Variants in IDO2 observed in about 807,000 individuals in gnomAD.
The protein encoded by IDO2 is indoleamine 2,3-dioxygenase 2.
IDO2 carries 46 observed loss-of-function variants against 45.1 expected under a neutral mutation model. That is an observed-to-expected ratio of 1.02 (90% CI 0.80 to 1.30). The LOEUF (loss-of-function observed/expected upper bound fraction) is 1.30. Among genes scored for constraint, IDO2 ranks in the 50% most tolerant of loss-of-function variants. The pLI, the probability that IDO2 is intolerant of heterozygous loss-of-function variation, is 0.00. For synonymous variants in IDO2, 218 were observed against 184.9 expected (o/e 1.18, Z -1.45); for missense variants, 544 against 491.8 (o/e 1.11, Z -1.00).
chr8:39,944,955 G>T (rs1057404071), intron 1 of IDO2, among the ~76,000 whole-genome samples: 1 of 152,142 alleles, frequency 6.6e-6, no homozygotes, highest in South Asian at 2.1e-4. Context: ...TCAACACCTG[G>T]CATAAAATTC....
At position 39,963,624 on chromosome 8, in the gene IDO2, A is replaced by G. The variant is rs146026540; in HGVS notation, c.116A>G (p.His39Arg). 9 of 1,608,564 alleles carry G rather than the reference A, an allele frequency of 5.6e-6. No homozygotes were observed. In the South Asian group the frequency reaches 6.6e-5, roughly 12 times the overall value. The stretch of plus-strand genomic sequence containing the variant: ...TAAATGCAGAAAGAACTTCCAGATC[A>G]TTATAGGCCTTGGATGGAAATTGCC... Residue 39 changes from histidine (H) to arginine (R), a missense_variant, in exon 3 of 11, where the codon CAT (histidine) becomes CGT (arginine). His to Arg is a conservative substitution (Grantham distance 29). Coordinates refer to ENST00000502986, the Ensembl canonical transcript of IDO2.
intron 7 of IDO2, among the ~76,000 whole-genome samples, chr8:39,988,509 G>C (rs1356290870): frequency 1.3e-5 from 2 of 152,190 alleles, no homozygotes; most frequent in Non-Finnish European, 2.9e-5. Flanking sequence ...TTAGCTCACT[G>C]CAATCTCCAC....
rs188556326 is a variant in IDO2, at chr8:39,984,144, T to C, written c.435-1364T>C. On this transcript the variant is annotated intron_variant, in intron 5 of 10. Coordinates refer to ENST00000502986, the Ensembl canonical transcript of IDO2. Reference sequence around the variant, plus strand: ...AAGAGAAAGACAGAATAAGAGAAGGTTGAAGGGAAAAATGACTGTACTAGA... The same window carrying C: ...AAGAGAAAGACAGAATAAGAGAAGGCTGAAGGGAAAAATGACTGTACTAGA... Among the ~76,000 whole-genome samples, 19 of 152,006 alleles carry C rather than the reference T, an allele frequency of 1.2e-4. 1 individual carries two copies. Among genetic ancestry groups the C allele is most frequent in the African/African-American group, 4.3e-4 (18 of 41,468 alleles).
chr8:39,990,053 C>T (rs757397476), intron 8 of IDO2, among the ~76,000 whole-genome samples: 7 of 152,270 alleles, frequency 4.6e-5, no homozygotes, highest in East Asian at 1.9e-4. Context: ...TATATTCTCC[C>T]GTGATTAAGA....
chr8:39,963,718 A>T lies in IDO2; in HGVS notation c.195+15A>T. ...ATGTGGACAAGGTATTCTTCTCTTC[A>T]CCCCCTCATCACATTCTGTTTTCAT... On this transcript the variant is annotated intron_variant, in intron 3 of 10. Coordinates refer to ENST00000502986, the Ensembl canonical transcript of IDO2. 8.9e-6 allele frequency: 13 copies of T among 1,457,682 alleles called. No homozygotes were observed. Among genetic ancestry groups the T allele is most frequent in the Non-Finnish European group, 1.2e-5 (13 of 1,045,580 alleles). 90.3% of individuals were successfully genotyped at this position (1,457,682 alleles called of 1,614,324 possible).
chr8:39,997,696 T>C (rs555528164), intron 8 of IDO2, among the ~76,000 whole-genome samples: 1 of 152,258 alleles, frequency 6.6e-6, no homozygotes, highest in African/African-American at 2.4e-5. Flanking sequence ...TGAAAAAGAT[T>C]CTCTAGTCAG....
chr8:39,943,684 G>C (rs1292923455), intron 1 of IDO2, among the ~76,000 whole-genome samples: 2 of 144,158 alleles, frequency 1.4e-5, no homozygotes, highest in Non-Finnish European at 3.0e-5. Context: ...CCTGCAGTGA[G>C]CTGAGATCGC....
chr8:39,974,691 G>C (rs1317305693), intron 3 of IDO2, among the ~76,000 whole-genome samples: 3 of 152,184 alleles, frequency 2.0e-5, no homozygotes, highest in Non-Finnish European at 4.4e-5. Context: ...GGCCCATGTG[G>C]GCAGATCGAT....
intron 8 of IDO2, among the ~76,000 whole-genome samples, 169 bp from the exon 9 acceptor site, chr8:40,005,158 G>A (rs542410549): frequency 6.6e-6 from 1 of 152,204 alleles, no homozygotes; most frequent in Non-Finnish European, 1.5e-5. Context: ...GCACCCATGA[G>A]GGCAACTGCA....
At chr8:40,012,324 A>G (rs1347426934) in intron 9 of IDO2, among the ~76,000 whole-genome samples, 1 of 152,208 alleles carries the variant, frequency 6.6e-6, no homozygotes. Context: ...GGAAATCCAC[A>G]TATGGGGTTC....
chr8:39,935,403 T>C (rs1034217033), intron 1 of IDO2, among the ~76,000 whole-genome samples, 185 bp downstream of exon 1: 5 of 150,618 alleles, frequency 3.3e-5, no homozygotes, highest in African/African-American at 1.2e-4. Flanking sequence ...ATGGGCTGAA[T>C]GCTTTGTGCA....
chr8:39,998,148 C>T (rs767391551), intron 8 of IDO2: 17 of 181,806 alleles, frequency 9.4e-5, no homozygotes, highest in Non-Finnish European at 1.6e-4. Context: ...TCTCCACTGG[C>T]CATTTCTGTT....
At chr8:39,957,693 T>C (rs1010850277) in intron 2 of IDO2, among the ~76,000 whole-genome samples, 1 of 152,194 alleles carries the variant, frequency 6.6e-6, no homozygotes, top group Non-Finnish European at 1.5e-5. Context: ...TGCTCACCTG[T>C]CTCTAGAAGG....
chr8:39,975,814 C>T (rs7005101), intron 3 of IDO2, among the ~76,000 whole-genome samples: 22,056 of 151,786 alleles, frequency 0.15, 2,281 homozygotes, highest in African/African-American at 0.3. Flanking sequence ...ATGAAAGTAT[C>T]GTTTATCATA....
In IDO2 at chr8:40,005,314, A is replaced by C. The variant is rs1022559462; in HGVS notation, c.668-13A>C. Reference sequence around the variant, plus strand: ...TGCCTGTAGTAAAGTTCACATTTTGATTGCTTCTCCAGATTATGTAGATCC... The same window carrying C: ...TGCCTGTAGTAAAGTTCACATTTTGCTTGCTTCTCCAGATTATGTAGATCC... On this transcript the variant is annotated splice_polypyrimidine_tract_variant and intron_variant, in intron 8 of 10. Transcript: ENST00000502986. 1.9e-6 allele frequency: 3 copies of C among 1,561,938 alleles called. No homozygotes were observed. Among genetic ancestry groups the C allele is most frequent in the Non-Finnish European group, 2.6e-6 (3 of 1,146,594 alleles).
chr8:39,995,454 G>A (rs1052808285), intron 8 of IDO2, among the ~76,000 whole-genome samples: 5 of 151,106 alleles, frequency 3.3e-5, no homozygotes, highest in Non-Finnish European at 7.4e-5. Context: ...ATAATTTTTT[G>A]TATTTTTACT....
intron 2 of IDO2, among the ~76,000 whole-genome samples, chr8:39,959,175 T>C (rs1164455034): frequency 6.6e-6 from 1 of 151,826 alleles, no homozygotes; most frequent in African/African-American, 2.4e-5. Context: ...AGTGGTGCGA[T>C]TGGCTCACTG....
chr8:40,015,811 T>C, exon 11 of IDO2: 1 of 560,864 alleles, frequency 1.8e-6, no homozygotes, highest in Non-Finnish European at 3.2e-6. Flanking sequence ...CCCTACCTGA[T>C]CACTGCTTAA....
In IDO2 at chr8:39,982,739, C is replaced by G. The variant is rs115754126; in HGVS notation, c.403C>G (p.Leu135Val). 9,578 of 1,606,202 alleles carry G rather than the reference C, an allele frequency of 6.0e-3. 389 individuals carry two copies. The African/African-American group carries it at 0.098, about 16-fold the overall frequency. ...TATCCTGGTCCACTCAGACTTGGTG[C>G]TGACGAACTGGACCAAAAAAGATCC... The change falls in exon 5 of 11, where the codon CTG (leucine) becomes GTG (valine). Residue 135 changes from leucine to valine, a missense_variant. Coordinates refer to ENST00000502986, the Ensembl canonical transcript of IDO2.
Sources: gnomAD v4.1 joint callset for allele counts (sites outside exome capture counted in the v4.1 genomes callset) on GRCh38, gnomAD v4.1.1 for gene constraint, MANE v1.5 for transcripts, NCBI Gene and HGNC (gene_info 2026-07-23, HGNC 2026-07-21) for gene names.